NCEH1: variants seen among roughly 807,000 people sequenced by gnomAD.
The protein encoded by NCEH1 is neutral cholesterol ester hydrolase 1.
Under a neutral mutation model 25.4 loss-of-function variants are expected in NCEH1, and 9 were observed. The observed-to-expected ratio is 0.35, with a 90% CI of 0.21 to 0.62. The LOEUF (loss-of-function observed/expected upper bound fraction) is 0.62, where lower values mean the gene tolerates loss of function less well. Ranked by LOEUF, NCEH1 falls within the 20% of genes least tolerant of loss-of-function variation. The pLI, the probability that NCEH1 is intolerant of heterozygous loss-of-function variation, is 0.72. For synonymous variants in NCEH1, 200 were observed against 199.8 expected, an observed-to-expected ratio of 1.00 and a Z score of -0.01; for missense variants, 412 against 501.1, an observed-to-expected ratio of 0.82 and a Z score of 1.70.
intron 3 of NCEH1, among the ~76,000 whole-genome samples, chr3:172,645,002 C>T (rs1038154634): frequency 3.9e-5 from 6 of 152,112 alleles, no homozygotes; most frequent in Non-Finnish European, 5.9e-5. Context: ...AGAAGAGACA[C>T]GTGTGCAAAA....
At chr3:172,702,143 C>G (rs1713731667) in intron 1 of NCEH1, among the ~76,000 whole-genome samples, 1 of 152,216 alleles carries the variant, frequency 6.6e-6, no homozygotes, top group African/African-American at 2.4e-5. Context: ...CAGGCTCCAC[C>G]TCGTATAAAC....
intron 3 of NCEH1, among the ~76,000 whole-genome samples, chr3:172,643,756 C>A (rs185866406): frequency 6.6e-6 from 1 of 152,128 alleles, no homozygotes; most frequent in African/African-American, 2.4e-5. Context: ...AAAATCTGCA[C>A]GGTGCCAACT....
chr3:172,683,129 C>CCTGG (rs1712484040), intron 1 of NCEH1, among the ~76,000 whole-genome samples: 1 of 64,206 alleles, frequency 1.6e-5, no homozygotes, highest in African/African-American at 7.3e-5. Flanking sequence ...CAGGGCCGGG[C>CCTGG]GCGGTGGCTC....
chr3:172,665,303 G>C (rs1234331844), intron 1 of NCEH1, among the ~76,000 whole-genome samples: 1 of 152,212 alleles, frequency 6.6e-6, no homozygotes, highest in Admixed American at 6.5e-5. Context: ...CTGCAGAACA[G>C]CAAAGATTGC....
At chr3:172,684,653 T>C (rs994747932) in intron 1 of NCEH1, among the ~76,000 whole-genome samples, 5 of 152,198 alleles carry the variant, frequency 3.3e-5, no homozygotes, top group African/African-American at 1.2e-4. Flanking sequence ...ATCCTAGTAG[T>C]TGGAATTCAC....
intron 3 of NCEH1, among the ~76,000 whole-genome samples, chr3:172,641,674 A>G (rs1454533647): frequency 6.6e-6 from 1 of 152,194 alleles, no homozygotes; most frequent in Non-Finnish European, 1.5e-5. Context: ...TCTTGGAATC[A>G]TCCACACTTA....
intron 1 of NCEH1, among the ~76,000 whole-genome samples, chr3:172,684,984 T>C (rs2042033): frequency 0.36 from 52,583 of 145,352 alleles, 9,516 homozygotes; most frequent in African/African-American, 0.45. Flanking sequence ...CATCCCCCAC[T>C]CCCATCCCCA....
In NCEH1 at chr3:172,710,991, C is replaced by G; in HGVS notation, c.-7G>C. On this transcript the variant is annotated 5_prime_UTR_variant, in exon 1 of 5. Transcript: ENST00000475381. ...GGACACAGGACGACCTCATCTTGCCCTGGCTCGGCTCGCCAGCGGGCTGGC... is the reference window on the plus strand; with the variant it reads ...GGACACAGGACGACCTCATCTTGCCGTGGCTCGGCTCGCCAGCGGGCTGGC... 6.2e-7 allele frequency: 1 copy of G among 1,613,960 alleles called. No homozygotes were observed. Among genetic ancestry groups the G allele is most frequent in the East Asian group, 2.2e-5 (1 of 44,876 alleles).
chr3:172,697,379 A>T (rs1176700800), intron 1 of NCEH1, among the ~76,000 whole-genome samples: 1 of 152,192 alleles, frequency 6.6e-6, no homozygotes, highest in South Asian at 2.1e-4. Context: ...ACTAACCTCT[A>T]GCCACTGGAT....
chr3:172,636,530 A>C (rs1416479472), intron 3 of NCEH1, among the ~76,000 whole-genome samples: 1 of 152,220 alleles, frequency 6.6e-6, no homozygotes, highest in East Asian at 1.9e-4. Context: ...TCTCACATTT[A>C]ATGAGTCCAT....
At chr3:172,692,999 C>G (rs1276397549) in intron 1 of NCEH1, among the ~76,000 whole-genome samples, 1 of 152,218 alleles carries the variant, frequency 6.6e-6, no homozygotes, top group Non-Finnish European at 1.5e-5. Flanking sequence ...CCCAGCTCAG[C>G]CAGCACTTCC....
chr3:172,705,027 C>A (rs142330213), intron 1 of NCEH1, among the ~76,000 whole-genome samples: 2 of 152,252 alleles, frequency 1.3e-5, no homozygotes, highest in East Asian at 1.9e-4. Context: ...ATCAGGGGAT[C>A]CAGAAAGTCT....
intron 1 of NCEH1, among the ~76,000 whole-genome samples, chr3:172,700,365 CA>C (rs1182364328): frequency 6.1e-5 from 9 of 148,450 alleles, no homozygotes; most frequent in African/African-American, 1.5e-4. Context: ...TGTGGGAGCT[CA>C]AAAAAAAAAT....
chr3:172,644,757 T>TAAC, intron 3 of NCEH1, among the ~76,000 whole-genome samples: 1 of 152,240 alleles, frequency 6.6e-6, no homozygotes, highest in Non-Finnish European at 1.5e-5. Context: ...TTCCAGGCAC[T>TAAC]AATGATTCAG....
intron 1 of NCEH1, among the ~76,000 whole-genome samples, chr3:172,707,719 G>A (rs973467451): frequency 6.6e-6 from 1 of 152,114 alleles, no homozygotes; most frequent in Non-Finnish European, 1.5e-5. Context: ...CCGAGTAGCC[G>A]GGACTACAGG....
chr3:172,674,301 G>A (rs967806130), intron 1 of NCEH1, among the ~76,000 whole-genome samples: 17 of 152,030 alleles, frequency 1.1e-4, no homozygotes, highest in African/African-American at 1.9e-4. Flanking sequence ...AAAATTAGCC[G>A]GGTGTGGTGG....
chr3:172,710,826 C>A, intron 1 of NCEH1, 21 bp downstream of exon 1: 7 of 1,612,300 alleles, frequency 4.3e-6, no homozygotes, highest in Non-Finnish European at 5.9e-6. Context: ...AAGAGAGAAG[C>A]AGCGCTGGGC....
rs1444869553 is a variant in NCEH1 at position 172,630,307 on chromosome 3, G to C, written c.*3168C>G. 6.6e-6 allele frequency: 1 copy of C among 152,244 alleles called. No individual in the cohort carries two copies. The highest frequency in any genetic ancestry group is 1.5e-5 in the Non-Finnish European group (1 of 68,042). 9.4% of individuals were successfully genotyped at this position (152,244 alleles called of 1,614,324 possible). ...AGGTCAGTTTGAGAACCTGCCTTCA[G>C]TGATAGTGATGCTTTGGCTGAAACA... On this transcript the variant is annotated 3_prime_UTR_variant, in exon 5 of 5. Transcript: ENST00000475381.
At chr3:172,708,722 T>G (rs1714142529) in intron 1 of NCEH1, among the ~76,000 whole-genome samples, 2 of 152,294 alleles carry the variant, frequency 1.3e-5, no homozygotes, top group East Asian at 1.9e-4. Flanking sequence ...CAGTTTACAT[T>G]TATTTTATTG....
Sources: allele counts gnomAD v4.1 joint callset (sites outside exome capture counted in the v4.1 genomes callset), GRCh38; gene constraint gnomAD v4.1.1; transcripts MANE v1.5; gene names NCBI Gene and HGNC (gene_info 2026-07-23, HGNC 2026-07-21).